Variants in LMO7 observed in about 807,000 individuals in gnomAD.
The protein encoded by LMO7 is LIM domain only protein 7.
In LMO7, 120 loss-of-function variants were observed where a neutral mutation model predicts 206.5. That is an observed-to-expected ratio of 0.58 (90% CI 0.50 to 0.68). LMO7 has a LOEUF of 0.68. Ranked by LOEUF, LMO7 falls within the 30% of genes least tolerant of loss-of-function variation. The probability of loss-of-function intolerance (pLI) is 0.00; values close to 1 mark genes in which losing one functional copy is unlikely to be tolerated. For missense variants in LMO7, 1,959 were observed against 1,957.9 expected (o/e 1.00, Z -0.01); for synonymous variants, 706 against 681.5 (o/e 1.04, Z -0.56).
At chr13:75,767,483 A>G (rs954083126) in intron 4 of LMO7, among the ~76,000 whole-genome samples, 2 of 152,090 alleles carry the variant, frequency 1.3e-5, no homozygotes, top group Admixed American at 1.3e-4. Flanking sequence ...GAACAAGTTT[A>G]CAGTAAGCCT....
Position 75,841,732 on chromosome 13 carries a change from A to C in LMO7, c.3780A>C (p.Arg1260Ser). 6.2e-7 allele frequency: 1 copy of C among 1,614,112 alleles called. No individual in the cohort carries two copies. Among genetic ancestry groups the C allele is most frequent in the Non-Finnish European group, 8.5e-7 (1 of 1,180,006 alleles). The change falls in exon 24 of 31, where the codon AGA becomes AGC. Residue 1260 changes from arginine (R) to serine (S), a missense_variant. By Grantham distance (110) the Arg-to-Ser change is moderately radical (BLOSUM62 -1). Transcript: ENST00000377534. ...GTGAAGGGTCCAAGTCTTCAGACAG[A>C]GAAGGAACCCGAGCAGGAGAAGAGG... The part of the protein sequence containing the change: ...TWSEGSKSSD[R>S]EGTRAGEEER...
Position 75,804,526 on chromosome 13 carries a change from A to G in LMO7, c.899A>G (p.Asp300Gly). The G allele has an allele frequency of 1.2e-6, 2 of 1,613,884 alleles. No homozygotes were observed. The highest frequency in any genetic ancestry group is 2.2e-5 in the East Asian group (1 of 44,878). The part of the protein sequence containing the change: ...SWASPVYTEA[D>G]GTFSSNQRRI... ...GCAAGCCCGGTTTATACAGAAGCAG[A>G]TGGAACATTTTCAAGGTACTGAGAT... The change falls in exon 8 of 31, where the codon GAT (aspartate) becomes GGT (glycine). Residue 300 changes from aspartate to glycine, a missense_variant. Coordinates refer to ENST00000377534, the MANE Select transcript of LMO7 (RefSeq NM_001306080.2).
Position 75,843,152 on chromosome 13 carries a change from A to T in LMO7, c.4097+236A>T, listed in dbSNP as rs570943347. 2.0e-5 allele frequency among the ~76,000 whole-genome samples: 3 copies of T among 152,316 alleles called. No individual in the cohort carries two copies. In the South Asian group the frequency reaches 6.2e-4, roughly 32 times the overall value. Reference sequence around the variant, plus strand: ...CATGTTAGGCTGATCTCCCTTGGGCAGCCTTTTAGTTGACTGGGCTTGCTC... The same window carrying T: ...CATGTTAGGCTGATCTCCCTTGGGCTGCCTTTTAGTTGACTGGGCTTGCTC... On this transcript the variant is annotated intron_variant, in intron 25 of 30. Transcript: ENST00000377534.
chr13:75,806,083 G>A, intron 9 of LMO7: 11 of 1,085,068 alleles, frequency 1.0e-5, no homozygotes, highest in Non-Finnish European at 1.2e-5. Context: ...CTCTGAGGAT[G>A]AGGACTCAGG....
chr13:75,649,046 G>C (rs2037311645), intron 1 of LMO7, among the ~76,000 whole-genome samples: 1 of 152,198 alleles, frequency 6.6e-6, no homozygotes, highest in South Asian at 2.1e-4. Context: ...CTTTCAAGTT[G>C]GGTAGGGGTG....
chr13:75,638,743 A>C (rs889457528), intron 1 of LMO7, among the ~76,000 whole-genome samples: 1 of 152,156 alleles, frequency 6.6e-6, no homozygotes, highest in African/African-American at 2.4e-5. Flanking sequence ...CTCTCTTGTC[A>C]GCTTTGCCTT....
At chr13:75,744,679 G>A (rs568179485) in intron 3 of LMO7, among the ~76,000 whole-genome samples, 5 of 152,336 alleles carry the variant, frequency 3.3e-5, no homozygotes, top group African/African-American at 1.2e-4. Context: ...TTAGGCCCAT[G>A]ACTGTGCTTC....
At chr13:75,838,367 A>G (rs1253245561) in intron 20 of LMO7, 171 bp downstream of exon 20, 1 of 1,476,912 alleles carries the variant, frequency 6.8e-7, no homozygotes, top group Non-Finnish European at 9.0e-7. Context: ...CTTTTCTTAC[A>G]GTTCATGGGT....
chr13:75,719,235 C>T (rs971081838), intron 2 of LMO7, among the ~76,000 whole-genome samples: 2 of 143,212 alleles, frequency 1.4e-5, no homozygotes, highest in African/African-American at 5.4e-5. Flanking sequence ...CCGCCTTGGC[C>T]TCCAAAAGTG....
At chr13:75,712,872 TATATA>T (rs1379201270) in intron 1 of LMO7, among the ~76,000 whole-genome samples, 2 of 152,206 alleles carry the variant, frequency 1.3e-5, no homozygotes, top group Non-Finnish European at 2.9e-5. Flanking sequence ...TTTTAAAAAA[TATATA>T]AAATATGTTG....
intron 3 of LMO7, among the ~76,000 whole-genome samples, chr13:75,735,835 CTTATTA>C (rs975193402): frequency 6.6e-6 from 1 of 151,676 alleles, no homozygotes; most frequent in Admixed American, 6.6e-5. Flanking sequence ...TATAAAATAA[CTTATTA>C]TTATATAATA....
rs775219749 is a variant in LMO7 at position 75,841,897 on chromosome 13, T to TGAGGAGCAGAAGCGTCCTGCG, written c.3960_3980dup (p.Pro1321_Arg1327dup). 3.2e-5 allele frequency: 52 copies of TGAGGAGCAGAAGCGTCCTGCG among 1,613,840 alleles called. No homozygotes were observed. Among genetic ancestry groups the TGAGGAGCAGAAGCGTCCTGCG allele is most frequent in the Non-Finnish European group, 4.2e-5 (50 of 1,179,966 alleles). On this transcript the variant is annotated inframe_insertion, in exon 24 of 31. Coordinates refer to ENST00000377534, the MANE Select transcript of LMO7 (RefSeq NM_001306080.2). ...AGCAAAAGCGGCTTCAGGCTGAGGC[T>TGAGGAGCAGAAGCGTCCTGCG]GAGGAGCAGAAGCGTCCTGCGGAGG... is the stretch of plus-strand genomic sequence containing the variant.
rs183435200 is a variant in LMO7, at chr13:75,805,977, G to A, written c.1196+217G>A. 2.7e-4 allele frequency: 303 copies of A among 1,102,466 alleles called. 1 individual carries two copies. The East Asian group carries it at 8.5e-3, about 31-fold the overall frequency. The allele number at this position is 1,102,466 out of a possible 1,614,324, so 68.3% of individuals were successfully genotyped here. On this transcript the variant is annotated intron_variant, in intron 9 of 30. Transcript: ENST00000377534. ...CCTGTTCTATACATAGTCATAGCAC[G>A]GCATTATTTTTAGTAGTTCTGTTTT...
intron 3 of LMO7, among the ~76,000 whole-genome samples, chr13:75,752,221 T>C (rs2047331490): frequency 6.6e-6 from 1 of 151,996 alleles, no homozygotes; most frequent in African/African-American, 2.4e-5. Context: ...AACCTCTGCC[T>C]CCCAAGTTCA....
chr13:75,734,905 C>T (rs924241694), intron 3 of LMO7, among the ~76,000 whole-genome samples: 5 of 152,136 alleles, frequency 3.3e-5, no homozygotes, highest in African/African-American at 9.7e-5. Flanking sequence ...GACGACCATC[C>T]TGGCTAACAC....
upstream of LMO7, among the ~76,000 whole-genome samples, chr13:75,635,647 G>A (rs933518526): frequency 5.3e-5 from 8 of 152,168 alleles, no homozygotes; most frequent in Non-Finnish European, 7.4e-5. Flanking sequence ...ACCCTCAGCC[G>A]CGAGCCGGGG....
intron 3 of LMO7, among the ~76,000 whole-genome samples, chr13:75,736,831 G>C (rs2045866627): frequency 6.6e-6 from 1 of 152,190 alleles, no homozygotes; most frequent in South Asian, 2.1e-4. Context: ...AATAATCTGA[G>C]CCAGACTTGT....
chr13:75,715,582 A>G (rs1044814097), intron 2 of LMO7, among the ~76,000 whole-genome samples: 1 of 152,226 alleles, frequency 6.6e-6, no homozygotes, highest in African/African-American at 2.4e-5. Flanking sequence ...CAGCAATTGT[A>G]ATTTACTGTG....
At chr13:75,846,230 T>G (rs1466601330) in intron 26 of LMO7, among the ~76,000 whole-genome samples, 1 of 152,210 alleles carries the variant, frequency 6.6e-6, no homozygotes, top group Non-Finnish European at 1.5e-5. Flanking sequence ...TGGCAGCTAG[T>G]TTAACCTCTC....
Sources: allele counts gnomAD v4.1 joint callset (sites outside exome capture counted in the v4.1 genomes callset), GRCh38; gene constraint gnomAD v4.1.1; transcripts MANE v1.5; gene names NCBI Gene and HGNC (gene_info 2026-07-23, HGNC 2026-07-21).